Variants in SRGAP1 observed in about 807,000 individuals in gnomAD.
SRGAP1 encodes SLIT-ROBO Rho GTPase activating protein 1, also known as SLIT-ROBO Rho GTPase-activating protein 1.
A neutral mutation model predicts 121.9 loss-of-function variants in SRGAP1; 43 were observed. The ratio of observed to expected loss-of-function variants is 0.35; its 90% CI spans 0.28 to 0.46. The LOEUF is 0.46. Among genes scored for constraint, SRGAP1 ranks in the 20% least tolerant of loss-of-function variants. The pLI is 1.00. For missense variants in SRGAP1, 1,102 were observed against 1,350.9 expected, an observed-to-expected ratio of 0.82 and a Z score of 2.89; for synonymous variants, 447 against 485.4, an observed-to-expected ratio of 0.92 and a Z score of 1.04.
intron 3 of SRGAP1, among the ~76,000 whole-genome samples, chr12:64,008,867 A>G (rs1404695913): frequency 6.6e-6 from 1 of 152,160 alleles, no homozygotes; most frequent in African/African-American, 2.4e-5. Context: ...TTCTTACCAC[A>G]GTACTATTAA....
intron 15 of SRGAP1, among the ~76,000 whole-genome samples, chr12:64,105,036 G>A (rs955642822): frequency 2.0e-5 from 3 of 151,978 alleles, no homozygotes; most frequent in South Asian, 4.2e-4. Context: ...CAGAAACTCG[G>A]TACTCATCAA....
chr12:64,093,385 A>T (rs760219622), intron 12 of SRGAP1, among the ~76,000 whole-genome samples: 6 of 152,174 alleles, frequency 3.9e-5, no homozygotes, highest in African/African-American at 4.8e-5. Context: ...AAAAATATGA[A>T]AACCGAAGAC....
At chr12:64,000,720 G>A (rs1429046998) in intron 3 of SRGAP1, among the ~76,000 whole-genome samples, 9 of 152,216 alleles carry the variant, frequency 5.9e-5, no homozygotes, top group African/African-American at 2.2e-4. Context: ...TGCCAAGGGG[G>A]CAGGTAATGG....
chr12:64,127,650 A>C lies in SRGAP1; in HGVS notation c.2466A>C (p.Pro822=). ...QKADSEASSG[P]VTEDKSSSKD... is the part of the protein sequence containing the mutation. The stretch of plus-strand genomic sequence containing the variant: ...CCGACAGTGAGGCCAGCAGTGGGCC[A>C]GTCACGGAAGACAAGTCCTCATCCA... The change falls in exon 20 of 22, where the codon CCA becomes CCC. Residue 822 remains proline (P), a synonymous_variant. Transcript: ENST00000355086. 2 of 1,614,170 alleles carry C rather than the reference A, an allele frequency of 1.2e-6. No individual in the cohort carries two copies. The highest frequency in any genetic ancestry group is 2.7e-5 in the African/African-American group (2 of 75,052).
chr12:63,865,258 C>T (rs1013528966), intron 1 of SRGAP1, among the ~76,000 whole-genome samples: 2 of 152,066 alleles, frequency 1.3e-5, no homozygotes, highest in East Asian at 1.9e-4. Context: ...CACGTGAGGT[C>T]AGGAGTTCGA....
chr12:64,075,667 A>G (rs1465543838), intron 8 of SRGAP1, among the ~76,000 whole-genome samples: 1 of 152,054 alleles, frequency 6.6e-6, no homozygotes, highest in African/African-American at 2.4e-5. Flanking sequence ...TAGGATGGTG[A>G]CTCTTTTAAT....
chr12:63,913,454 CATAT>C (rs570506869), intron 1 of SRGAP1, among the ~76,000 whole-genome samples: 17 of 124,090 alleles, frequency 1.4e-4, no homozygotes, highest in East Asian at 1.3e-3. Flanking sequence ...ACTGTGTCCA[CATAT>C]ATATATATAT....
chr12:63,897,163 T>A (rs1456485569), intron 1 of SRGAP1, among the ~76,000 whole-genome samples: 1 of 152,226 alleles, frequency 6.6e-6, no homozygotes, highest in African/African-American at 2.4e-5. Context: ...AATGGAACCA[T>A]TGAATGTCCA....
chr12:64,117,926 C>T (rs1286457210), intron 18 of SRGAP1, among the ~76,000 whole-genome samples: 3 of 152,154 alleles, frequency 2.0e-5, no homozygotes, highest in African/African-American at 7.2e-5. Context: ...TCACATATGT[C>T]GGGATTTCCT....
At chr12:64,141,443 G>C (rs2036961881) in intron 21 of SRGAP1, among the ~76,000 whole-genome samples, 2 of 151,864 alleles carry the variant, frequency 1.3e-5, no homozygotes, top group Admixed American at 1.3e-4. Context: ...AGCCGGGCGT[G>C]GTGGTGGGCG....
intron 4 of SRGAP1, among the ~76,000 whole-genome samples, chr12:64,028,299 A>G (rs2034697704): frequency 6.6e-6 from 1 of 152,258 alleles, no homozygotes; most frequent in Non-Finnish European, 1.5e-5. Context: ...CTTTTGAAAT[A>G]AGAACTTTCT....
chr12:64,104,700 G>C (rs142119032), intron 15 of SRGAP1, among the ~76,000 whole-genome samples: 1 of 152,138 alleles, frequency 6.6e-6, no homozygotes. Flanking sequence ...CCTTCGAGAC[G>C]AACAGATTTG....
At chr12:63,920,192 A>G (rs1358670860) in intron 1 of SRGAP1, among the ~76,000 whole-genome samples, 2 of 152,224 alleles carry the variant, frequency 1.3e-5, no homozygotes, top group African/African-American at 4.8e-5. Context: ...AATTTTTGCC[A>G]GTCTGGTGGG....
intron 4 of SRGAP1, among the ~76,000 whole-genome samples, chr12:64,024,848 C>T (rs554492619): frequency 4.5e-4 from 69 of 152,180 alleles, no homozygotes; most frequent in Non-Finnish European, 7.8e-4. Flanking sequence ...CTCCTGAGAA[C>T]TCACTCACTA....
At chr12:64,065,551 AC>A (rs2136540517) in intron 8 of SRGAP1, among the ~76,000 whole-genome samples, 1 of 152,296 alleles carries the variant, frequency 6.6e-6, no homozygotes, top group Non-Finnish European at 1.5e-5. Context: ...GTACAGTGGA[AC>A]TTTTGACTAA....
chr12:63,899,587 T>C (rs1306311834), intron 1 of SRGAP1, among the ~76,000 whole-genome samples: 3 of 152,158 alleles, frequency 2.0e-5, no homozygotes, highest in African/African-American at 4.8e-5. Context: ...ACCACCCAGA[T>C]TGGTTAACAC....
intron 1 of SRGAP1, among the ~76,000 whole-genome samples, chr12:63,853,299 G>A (rs1250998350): frequency 1.3e-5 from 2 of 152,062 alleles, no homozygotes; most frequent in Non-Finnish European, 2.9e-5. Context: ...GGGATTACAG[G>A]TGTGAGCCAC....
At chr12:63,856,670 A>T (rs1222903029) in intron 1 of SRGAP1, among the ~76,000 whole-genome samples, 1 of 152,198 alleles carries the variant, frequency 6.6e-6, no homozygotes, top group African/African-American at 2.4e-5. Context: ...TCTTGCACCA[A>T]TACCAATCAC....
intron 3 of SRGAP1, among the ~76,000 whole-genome samples, chr12:64,011,212 C>T (rs1424910954): frequency 6.6e-6 from 1 of 151,948 alleles, no homozygotes; most frequent in Admixed American, 6.6e-5. Context: ...GAACTCTATC[C>T]TAAAATAATG....
Sources: gnomAD v4.1 joint callset for allele counts (sites outside exome capture counted in the v4.1 genomes callset) on GRCh38, gnomAD v4.1.1 for gene constraint, MANE v1.5 for transcripts, NCBI Gene and HGNC (gene_info 2026-07-23, HGNC 2026-07-21) for gene names.